VAV3: variants seen among roughly 807,000 people sequenced by gnomAD.
VAV3 encodes the protein vav guanine nucleotide exchange factor 3.
In VAV3, 94 loss-of-function variants were observed where a neutral mutation model predicts 131.2. The observed-to-expected ratio is 0.72, with a 90% CI of 0.61 to 0.85. VAV3 has a LOEUF of 0.85. Ranked by LOEUF, VAV3 falls within the 40% of genes least tolerant of loss-of-function variation. The pLI is 0.00. For synonymous variants in VAV3, 349 were observed against 342.0 expected (o/e 1.02, Z -0.22); for missense variants, 939 against 1,002.7 (o/e 0.94, Z 0.86).
intron 6 of VAV3, among the ~76,000 whole-genome samples, chr1:107,768,800 C>T (rs1664879622): frequency 6.6e-6 from 1 of 151,950 alleles, no homozygotes; most frequent in South Asian, 2.1e-4. Context: ...TCTGAGTTGC[C>T]AAAAAATGGC....
chr1:107,767,617 C>G (rs1664806648), intron 7 of VAV3, among the ~76,000 whole-genome samples: 1 of 152,162 alleles, frequency 6.6e-6, no homozygotes, highest in African/African-American at 2.4e-5. Flanking sequence ...CAACACAGAA[C>G]ACAATAGAAT....
At chr1:107,935,757 A>G (rs1267104026) in intron 1 of VAV3, among the ~76,000 whole-genome samples, 1 of 152,190 alleles carries the variant, frequency 6.6e-6, no homozygotes, top group Non-Finnish European at 1.5e-5. Flanking sequence ...CAGACAGGCC[A>G]ACCAAGGCCA....
intron 2 of VAV3, among the ~76,000 whole-genome samples, chr1:107,785,175 G>T (rs1467269890): frequency 1.3e-5 from 2 of 152,162 alleles, no homozygotes; most frequent in Non-Finnish European, 2.9e-5. Context: ...CATTAGTGCT[G>T]TTGATGTTAT....
chr1:107,669,680 T>C (rs1570722153), intron 19 of VAV3, among the ~76,000 whole-genome samples: 1 of 152,194 alleles, frequency 6.6e-6, no homozygotes. Flanking sequence ...AGGTTTACAT[T>C]AGTTTTTTCT....
chr1:107,696,772 AAATCATATCAC>A (rs1314709889), intron 17 of VAV3, among the ~76,000 whole-genome samples: 9 of 152,134 alleles, frequency 5.9e-5, no homozygotes, highest in Admixed American at 3.3e-4. Context: ...AGTTCTGCTG[AAATCATATCAC>A]ACTCTTCTCC....
At chr1:107,860,400 T>G (rs1457706637) in intron 2 of VAV3, among the ~76,000 whole-genome samples, 2 of 144,416 alleles carry the variant, frequency 1.4e-5, no homozygotes, top group Non-Finnish European at 3.1e-5. Context: ...TATAATAATT[T>G]AAGTTCTTGG....
At chr1:107,865,141 T>A (rs185112960) in intron 2 of VAV3, among the ~76,000 whole-genome samples, 1 of 152,258 alleles carries the variant, frequency 6.6e-6, no homozygotes, top group Admixed American at 6.5e-5. Flanking sequence ...CACAGGTGGC[T>A]GGGGGCAGGG....
chr1:107,613,519 T>C (rs1652912328), intron 21 of VAV3, among the ~76,000 whole-genome samples: 1 of 152,130 alleles, frequency 6.6e-6, no homozygotes, highest in African/African-American at 2.4e-5. Context: ...TTACTATACC[T>C]GAATCATTTT....
At chr1:107,767,114 G>T (rs1664775958) in intron 7 of VAV3, among the ~76,000 whole-genome samples, 1 of 152,132 alleles carries the variant, frequency 6.6e-6, no homozygotes, top group African/African-American at 2.4e-5. Context: ...GTCAATTAGT[G>T]GTGTCCTGGT....
chr1:107,580,088 G>A (rs1022586780), intron 25 of VAV3, among the ~76,000 whole-genome samples: 12 of 152,236 alleles, frequency 7.9e-5, no homozygotes, highest in South Asian at 2.1e-4. Context: ...ATTACTGTAC[G>A]TTCTGTGTTG....
intron 2 of VAV3, among the ~76,000 whole-genome samples, chr1:107,863,335 T>C (rs2878516): frequency 0.71 from 108,016 of 152,060 alleles, 38,664 homozygotes; most frequent in Non-Finnish European, 0.75. Context: ...CAGTTTCAAG[T>C]CTGCTCCTCC....
intron 17 of VAV3, among the ~76,000 whole-genome samples, chr1:107,693,659 T>C (rs145452183): frequency 2.8e-3 from 421 of 152,256 alleles, no homozygotes; most frequent in Non-Finnish European, 4.7e-3. Context: ...TATAACATCA[T>C]TAAAAATTAT....
intron 2 of VAV3, among the ~76,000 whole-genome samples, chr1:107,799,823 A>G (rs1285909246): frequency 6.6e-6 from 1 of 152,142 alleles, no homozygotes; most frequent in Non-Finnish European, 1.5e-5. Flanking sequence ...TGTAGCCATT[A>G]GCCAACTTCT....
In VAV3 at chr1:107,768,468, T is replaced by C. The variant is rs1310008248; in HGVS notation, c.690A>G (p.Glu230=). The change falls in exon 7 of 27, where the codon GAA becomes GAG. Residue 230 remains glutamate, a synonymous_variant. Coordinates refer to ENST00000370056, the MANE Select transcript of VAV3 (RefSeq NM_006113.5). The part of the protein sequence containing the change: ...APLKRFLTAA[E]FDSVFINIPE... The stretch of plus-strand genomic sequence containing the variant: ...GAATGTTGATGAATACTGAATCAAA[T>C]TCTGCTGCTGTCAGAAATCTTTTTA... The C allele has an allele frequency of 2.5e-6, 4 of 1,612,532 alleles. No individual in the cohort carries two copies. In the African/African-American group the frequency reaches 5.3e-5, roughly 22 times the overall value.
At chr1:107,888,537 C>T (rs779899360) in intron 1 of VAV3, among the ~76,000 whole-genome samples, 6 of 152,210 alleles carry the variant, frequency 3.9e-5, no homozygotes, top group Non-Finnish European at 8.8e-5. Flanking sequence ...AGGCTCACTG[C>T]AACCTCCACC....
chr1:107,840,275 G>C (rs1225573391), intron 2 of VAV3, among the ~76,000 whole-genome samples: 3 of 152,132 alleles, frequency 2.0e-5, no homozygotes, highest in Non-Finnish European at 4.4e-5. Flanking sequence ...TACATAAAAA[G>C]TTGGTGCTTC....
chr1:107,904,018 TCCTGGCTAAC>T (rs1233780780), intron 1 of VAV3, among the ~76,000 whole-genome samples: 1 of 152,124 alleles, frequency 6.6e-6, no homozygotes, highest in Non-Finnish European at 1.5e-5. Context: ...CTTGGCTTCT[TCCTGGCTAAC>T]CTATCCTACC....
chr1:107,868,764 C>T (rs541830330), intron 2 of VAV3, among the ~76,000 whole-genome samples: 2 of 152,244 alleles, frequency 1.3e-5, no homozygotes, highest in Admixed American at 1.3e-4. Flanking sequence ...AAGATTAACA[C>T]ATCTACAAAC....
chr1:107,890,445 C>G (rs1318900906), intron 1 of VAV3, among the ~76,000 whole-genome samples: 1 of 152,122 alleles, frequency 6.6e-6, no homozygotes, highest in Non-Finnish European at 1.5e-5. Context: ...ACTGCCATCT[C>G]TAAATCAAAA....
Sources: gnomAD v4.1 joint callset for allele counts (sites outside exome capture counted in the v4.1 genomes callset) on GRCh38, gnomAD v4.1.1 for gene constraint, MANE v1.5 for transcripts, NCBI Gene and HGNC (gene_info 2026-07-23, HGNC 2026-07-21) for gene names.